ST13: variants seen among roughly 807,000 people sequenced by gnomAD.
ST13 encodes hsc70-interacting protein.
In ST13, 23 loss-of-function variants were observed where a neutral mutation model predicts 56.7. The ratio of observed to expected loss-of-function variants is 0.41; its 90% CI spans 0.29 to 0.57. ST13 has a LOEUF of 0.57. Ranked by LOEUF, ST13 falls within the 20% of genes least tolerant of loss-of-function variation. The pLI is 0.36. For missense variants in ST13, 369 were observed against 459.9 expected (o/e 0.80, Z 1.81); for synonymous variants, 132 against 142.4 (o/e 0.93, Z 0.52).
At position 40,855,175 on chromosome 22, in the gene ST13, G is replaced by T. The variant is rs143155198; in HGVS notation, c.110+1256C>A. On this transcript the variant is annotated intron_variant, in intron 1 of 11. Coordinates refer to ENST00000216218, the MANE Select transcript of ST13 (RefSeq NM_003932.5). ...TCATCTTCCCACACAAAAATATCAC[G>T]CTGGGTGAAGTGGCTCACGCCTGTA... 3.6e-3 allele frequency among the ~76,000 whole-genome samples: 549 copies of T among 152,280 alleles called. 2 individuals are homozygous for T. The highest frequency in any genetic ancestry group is 0.012 in the African/African-American group (487 of 41,550).
chr22:40,836,566 C>G (rs181629297), intron 5 of ST13, among the ~76,000 whole-genome samples: 223 of 152,136 alleles, frequency 1.5e-3, no homozygotes, highest in Non-Finnish European at 1.4e-3. Flanking sequence ...AAAAATTAAG[C>G]TTAGAAAGGA....
intron 4 of ST13, among the ~76,000 whole-genome samples, chr22:40,843,179 A>G (rs1601468623): frequency 6.6e-6 from 1 of 152,326 alleles, no homozygotes; most frequent in Middle Eastern, 3.4e-3. Context: ...AATATTTTAA[A>G]AACACCTAAA....
chr22:40,852,824 A>T (rs2057868732), intron 1 of ST13, among the ~76,000 whole-genome samples: 1 of 152,226 alleles, frequency 6.6e-6, no homozygotes. Context: ...AGTAATCACC[A>T]GTCCTTTGTA....
At chr22:40,838,879 A>T (rs926499882) in intron 5 of ST13, among the ~76,000 whole-genome samples, 2 of 151,364 alleles carry the variant, frequency 1.3e-5, no homozygotes, top group Non-Finnish European at 2.9e-5. Flanking sequence ...ATATGTGAAG[A>T]AAAGCTTTCC....
intron 5 of ST13, among the ~76,000 whole-genome samples, chr22:40,839,869 G>C (rs1366688327): frequency 1.3e-5 from 2 of 151,828 alleles, no homozygotes; most frequent in African/African-American, 2.4e-5. Context: ...TAAAAAAAGA[G>C]GCTGGGCGCA....
intron 5 of ST13, among the ~76,000 whole-genome samples, chr22:40,837,000 G>C (rs1469927205): frequency 6.6e-6 from 1 of 152,146 alleles, no homozygotes; most frequent in Non-Finnish European, 1.5e-5. Context: ...AAATTTTTTA[G>C]AGACTGGGCC....
At chr22:40,847,764 T>C (rs977294448) in intron 3 of ST13, among the ~76,000 whole-genome samples, 2 of 152,036 alleles carry the variant, frequency 1.3e-5, no homozygotes, top group Admixed American at 6.5e-5. Flanking sequence ...TAACAAATAT[T>C]GAGGCCAGGT....
intron 2 of ST13, 46 bp from the exon 3 acceptor site, chr22:40,848,415 C>T (rs746005493): frequency 8.0e-7 from 1 of 1,243,324 alleles, no homozygotes; most frequent in African/African-American, 1.5e-5. Flanking sequence ...TAATAACATA[C>T]CGAATATTTA....
intron 4 of ST13, among the ~76,000 whole-genome samples, chr22:40,843,553 AG>A (rs908850608): frequency 4.6e-5 from 7 of 152,202 alleles, no homozygotes; most frequent in South Asian, 4.1e-4. Flanking sequence ...TAAAGGTGAA[AG>A]GTGAGTGTAT....
intron 5 of ST13, among the ~76,000 whole-genome samples, chr22:40,837,256 G>A (rs997814654): frequency 2.0e-5 from 3 of 152,182 alleles, no homozygotes; most frequent in African/African-American, 7.2e-5. Flanking sequence ...TCTATTATAG[G>A]TAATTACACT....
At chr22:40,851,299 G>T (rs1389184831) in intron 1 of ST13, among the ~76,000 whole-genome samples, 1 of 152,190 alleles carries the variant, frequency 6.6e-6, no homozygotes, top group Non-Finnish European at 1.5e-5. Context: ...TGCAGTTTAT[G>T]AAGTAACTAT....
intron 5 of ST13, among the ~76,000 whole-genome samples, chr22:40,839,503 G>A (rs530469546): frequency 3.2e-4 from 48 of 152,218 alleles, no homozygotes; most frequent in African/African-American, 1.1e-3. Flanking sequence ...AGTGGTTCGC[G>A]TCTGCAATCC....
chr22:40,856,137 A>C (rs566583593), intron 1 of ST13, among the ~76,000 whole-genome samples: 7 of 151,982 alleles, frequency 4.6e-5, no homozygotes, highest in African/African-American at 7.3e-5. Flanking sequence ...TGCAGTTTTC[A>C]CTCCTCGCGT....
chr22:40,843,616 G>C (rs1237169662), intron 4 of ST13, among the ~76,000 whole-genome samples: 1 of 152,088 alleles, frequency 6.6e-6, no homozygotes, highest in Non-Finnish European at 1.5e-5. Flanking sequence ...TAACCTCAAA[G>C]TAATAAAGCA....
chr22:40,841,203 GAA>G (rs1187227386), intron 4 of ST13, among the ~76,000 whole-genome samples: 3 of 90,502 alleles, frequency 3.3e-5, no homozygotes, highest in African/African-American at 7.2e-5. Flanking sequence ...CCAAAAAAAA[GAA>G]AAAAAAAAAA....
intron 5 of ST13, among the ~76,000 whole-genome samples, chr22:40,838,988 T>C (rs1419464440): frequency 6.6e-6 from 1 of 151,978 alleles, no homozygotes; most frequent in Non-Finnish European, 1.5e-5. Flanking sequence ...TACAGGATCT[T>C]AGTCTGGCAG....
chr22:40,841,624 A>G (rs2057804926), intron 4 of ST13, among the ~76,000 whole-genome samples: 1 of 152,174 alleles, frequency 6.6e-6, no homozygotes, highest in Admixed American at 6.5e-5. Flanking sequence ...TGTTTTATTT[A>G]AAGACAGGGT....
At position 40,832,642 on chromosome 22, in the gene ST13, T is replaced by C. The variant is rs200736981; in HGVS notation, c.608A>G (p.His203Arg). The C allele has an allele frequency of 1.2e-6, 2 of 1,602,054 alleles. No homozygotes were observed. Among genetic ancestry groups the C allele is most frequent in the African/African-American group, 2.7e-5 (2 of 75,018 alleles). The change falls in exon 8 of 12, where the codon CAT becomes CGT. Residue 203 changes from histidine (H) to arginine (R), a missense_variant. Physicochemically the swap from His to Arg is conservative, Grantham distance 29. This residue lies in a region of ST13 where 64 missense variants were observed against 125.1 expected (regional missense o/e 0.51). Coordinates refer to ENST00000216218, the MANE Select transcript of ST13 (RefSeq NM_003932.5). ...RLLGHWEEAA[H>R]DLALACKLDY... ...CAATTTACAGGCAAGGGCAAGATCA[T>C]GGGCTGCTTCTTCCCAGTGGCCTAG...
At chr22:40,832,503 G>T in intron 8 of ST13, 66 bp downstream of exon 8, 2 of 1,157,436 alleles carry the variant, frequency 1.7e-6, no homozygotes, top group South Asian at 1.2e-5. Context: ...TACAGCTGTC[G>T]GGGGCTAAGC....
Sources: allele counts gnomAD v4.1 joint callset (sites outside exome capture counted in the v4.1 genomes callset), GRCh38; gene constraint gnomAD v4.1.1; regional missense constraint gnomAD v4.1.1; transcripts MANE v1.5; gene names NCBI Gene and HGNC (gene_info 2026-07-23, HGNC 2026-07-21).